The following SNED1 variants were observed in gnomAD, a reference collection of about 807,000 sequenced individuals.
The protein encoded by SNED1 is sushi, nidogen and EGF-like domain-containing protein 1.
SNED1 carries 81 observed loss-of-function variants against 166.7 expected under a neutral mutation model. That is an observed-to-expected ratio of 0.49 (90% CI 0.41 to 0.58). The LOEUF is 0.58. Among genes scored for constraint, SNED1 ranks in the 20% least tolerant of loss-of-function variants. The pLI, the probability that SNED1 is intolerant of heterozygous loss-of-function variation, is 0.00. For synonymous variants in SNED1, 762 were observed against 822.0 expected (o/e 0.93, Z 1.25); for missense variants, 1,604 against 2,000.2 (o/e 0.80, Z 3.78).
chr2:241,054,391 G>T (rs2061981269), intron 16 of SNED1, among the ~76,000 whole-genome samples: 1 of 152,140 alleles, frequency 6.6e-6, no homozygotes, highest in South Asian at 2.1e-4. Flanking sequence ...AACATAGGGA[G>T]ACCTCATCTC....
chr2:241,078,634 A>T (rs988217740), intron 27 of SNED1, among the ~76,000 whole-genome samples: 2 of 151,770 alleles, frequency 1.3e-5, no homozygotes, highest in Non-Finnish European at 2.9e-5. Flanking sequence ...TCAGGACTGG[A>T]GGGTGGAGGG....
chr2:241,069,133 C>T lies in SNED1; in HGVS notation c.3307+110C>T. On this transcript the variant is annotated intron_variant, in intron 23 of 31. Transcript: ENST00000310397. This position sits in a 1 kb window ranked among gnomAD's most constrained non-coding sequence, Gnocchi z 4.9. ...CAAAGCGTCCACAACACCAGAAACC[C>T]AGCCCCTGGCCTCCCAGATGTCTCT... is the stretch of plus-strand genomic sequence containing the variant. 1 of 695,828 alleles carries T rather than the reference C, an allele frequency of 1.4e-6. No homozygotes were observed. Among genetic ancestry groups the T allele is most frequent in the Non-Finnish European group, 2.3e-6 (1 of 425,928 alleles). 43.1% of individuals were successfully genotyped at this position (695,828 alleles called of 1,614,324 possible). A position where few individuals can be genotyped will look rare whatever the true frequency, so the allele number is the denominator to read the frequency against.
chr2:241,083,612 T>C (rs1276233838), intron 29 of SNED1, among the ~76,000 whole-genome samples: 1 of 152,206 alleles, frequency 6.6e-6, no homozygotes, highest in East Asian at 1.9e-4. Context: ...TCGGATTCTA[T>C]GCAGTGAGAG....
At chr2:241,023,582 T>C (rs571491165) in intron 1 of SNED1, among the ~76,000 whole-genome samples, 1 of 152,358 alleles carries the variant, frequency 6.6e-6, no homozygotes, top group South Asian at 2.1e-4. Context: ...TGTCTGTGCC[T>C]GGTCTTTTAC....
chr2:241,036,865 C>T lies in SNED1; in HGVS notation c.881C>T (p.Ser294Phe). The change falls in exon 5 of 32, where the codon TCC becomes TTC. Residue 294 changes from serine (S) to phenylalanine (F), a missense_variant. By Grantham distance (155) the Ser-to-Phe change is radical. Around this residue, in one of 2 missense-constraint regions of SNED1, gnomAD observed 1,237 missense variants for 1,620.8 expected, o/e 0.76. Coordinates refer to ENST00000310397, the MANE Select transcript of SNED1 (RefSeq NM_001080437.3). Reference sequence around the variant, plus strand: ...GACGACTGCGTCACGGGCAACCCCTCCTACACCTGCTCCTGCCTCTCGGGC... The same window carrying T: ...GACGACTGCGTCACGGGCAACCCCTTCTACACCTGCTCCTGCCTCTCGGGC... ...CIDDCVTGNP[S>F]YTCSCLSGFT... The T allele has an allele frequency of 6.2e-7, 1 of 1,611,816 alleles. No homozygotes were observed.
At chr2:241,032,912 G>A (rs73110152) in intron 2 of SNED1, among the ~76,000 whole-genome samples, 1,797 of 152,224 alleles carry the variant, frequency 0.012, 49 homozygotes, top group African/African-American at 0.039. Context: ...TTTATCTGCT[G>A]TATGCGTTAT....
chr2:241,064,950 C>T lies in SNED1; in HGVS notation c.2706C>T (p.Cys902=), dbSNP rs764256373. 16 of 1,581,446 alleles carry T rather than the reference C, an allele frequency of 1.0e-5. No individual in the cohort carries two copies. Among genetic ancestry groups the T allele is most frequent in the Admixed American group, 5.7e-5 (3 of 52,758 alleles). ...TCKVGYTGED[C]AKELFPPTAL... ...AAGTGGGCTACACGGGCGAGGACTG[C>T]GCCAAAGGTGGGTGGCGAGGGCGCC... Residue 902 remains cysteine, a synonymous_variant, in exon 20 of 32, where the codon TGC becomes TGT. Coordinates refer to ENST00000310397, the MANE Select transcript of SNED1 (RefSeq NM_001080437.3). This position sits in a 1 kb window ranked among gnomAD's most constrained non-coding sequence, Gnocchi z 7.0.
chr2:241,037,379 G>C lies in SNED1; in HGVS notation c.1045+26G>C, dbSNP rs377485916. 4.0e-6 allele frequency: 6 copies of C among 1,489,674 alleles called. No individual in the cohort carries two copies. In the African/African-American group the frequency reaches 5.5e-5, roughly 14 times the overall value. 92.3% of individuals were successfully genotyped at this position (1,489,674 alleles called of 1,614,324 possible). A position where few individuals can be genotyped will look rare whatever the true frequency, so the allele number is the denominator to read the frequency against. The stretch of plus-strand genomic sequence containing the variant: ...GTAAGAGGAACCCACCGGGGCCCAC[G>C]GGGCCCTGCTGGGGGCAGGATAGCG... On this transcript the variant is annotated intron_variant, in intron 6 of 31. Coordinates refer to ENST00000310397, the MANE Select transcript of SNED1 (RefSeq NM_001080437.3).
Position 240,998,999 on chromosome 2 carries a change from G to A in SNED1, c.162G>A (p.Arg54=). ...PKQDDGGSGL[R]PLSVPFPFFG... The stretch of plus-strand genomic sequence containing the variant: ...AGGACGACGGCGGCTCGGGGCTGCG[G>A]CCGCTCTCGGTGCCCTTCCCGTTCT... Residue 54 remains arginine (R), a synonymous_variant, in exon 1 of 32, where the codon CGG becomes CGA. Coordinates refer to ENST00000310397, the MANE Select transcript of SNED1 (RefSeq NM_001080437.3). 7.5e-7 allele frequency: 1 copy of A among 1,327,252 alleles called. No homozygotes were observed. The highest frequency in any genetic ancestry group is 9.7e-7 in the Non-Finnish European group (1 of 1,035,250). The allele number at this position is 1,327,252 out of a possible 1,614,324, so 82.2% of individuals were successfully genotyped here.
rs1056322187 is a variant in SNED1, at chr2:241,051,551, C to G, written c.1736-193C>G. The G allele has an allele frequency of 2.2e-6, 1 of 454,928 alleles. No individual in the cohort carries two copies. The highest frequency in any genetic ancestry group is 2.0e-5 in the African/African-American group (1 of 49,962). The allele number at this position is 454,928 out of a possible 1,614,324, so 28.2% of individuals were successfully genotyped here. On this transcript the variant is annotated intron_variant, in intron 12 of 31. Coordinates refer to ENST00000310397, the MANE Select transcript of SNED1 (RefSeq NM_001080437.3). This position sits in a 1 kb window ranked among gnomAD's most constrained non-coding sequence, Gnocchi z 4.7. ...CCCACCTGTGACTGAGTTGGGGTCT[C>G]CAGCCTGTGAGCCCCACCCCAGCCC...
intron 27 of SNED1, chr2:241,074,508 A>G (rs1056433376): frequency 6.6e-6 from 1 of 152,152 alleles, no homozygotes; most frequent in Non-Finnish European, 1.5e-5. Flanking sequence ...CCAGGTGTTC[A>G]TTTCCTAGAA....
intron 1 of SNED1, among the ~76,000 whole-genome samples, chr2:241,000,050 G>A (rs2060031792): frequency 6.6e-6 from 1 of 151,992 alleles, no homozygotes; most frequent in Non-Finnish European, 1.5e-5. Context: ...GCTGCCCGGA[G>A]TAACACCACC....
chr2:241,026,302 C>A (rs1191796831), intron 1 of SNED1, among the ~76,000 whole-genome samples: 1 of 152,198 alleles, frequency 6.6e-6, no homozygotes, highest in Non-Finnish European at 1.5e-5. Context: ...AGGCGTGAGC[C>A]ACTGCGCCCA....
intron 24 of SNED1, among the ~76,000 whole-genome samples, 159 bp downstream of exon 24, chr2:241,070,360 G>C (rs1277625602): frequency 1.3e-5 from 2 of 152,214 alleles, no homozygotes; most frequent in Non-Finnish European, 2.9e-5. Context: ...GAAAGTGGAG[G>C]CTTTTCAAAC....
chr2:241,063,952 C>A, intron 18 of SNED1, 60 bp from the exon 19 acceptor site: 1 of 1,265,520 alleles, frequency 7.9e-7, no homozygotes, highest in Non-Finnish European at 1.1e-6. Context: ...CCGCTGTCCT[C>A]TCCTCCCTCC....
At position 241,013,705 on chromosome 2, in the gene SNED1, T is replaced by TAA; in HGVS notation, c.213+14656_213+14657dup. ...TGCGCCTGGCTTATTTCACTGAGCA[T>TAA]AATGTCCTTCAGTTTCATCCATGTT... is the stretch of plus-strand genomic sequence containing the variant. On this transcript the variant is annotated intron_variant, in intron 1 of 31. Coordinates refer to ENST00000310397, the MANE Select transcript of SNED1 (RefSeq NM_001080437.3). This position sits in a 1 kb window ranked among gnomAD's most constrained non-coding sequence, Gnocchi z 4.6. 6.6e-6 allele frequency among the ~76,000 whole-genome samples: 1 copy of TAA among 152,294 alleles called. No individual in the cohort carries two copies.
Position 241,094,831 on chromosome 2 carries a change from G to T in SNED1, c.*3195G>T, listed in dbSNP as rs1442526384. On this transcript the variant is annotated 3_prime_UTR_variant, in exon 32 of 32. Coordinates refer to ENST00000310397, the MANE Select transcript of SNED1 (RefSeq NM_001080437.3). This position sits in a 1 kb window ranked among gnomAD's most constrained non-coding sequence, Gnocchi z 4.3. ...TGCTACCAAGGAGACTTGAATTTTGGTCCCATCATCAAAAATGCCTTCTGC... is the reference window on the plus strand; with the variant it reads ...TGCTACCAAGGAGACTTGAATTTTGTTCCCATCATCAAAAATGCCTTCTGC... 6.2e-6 allele frequency: 1 copy of T among 161,512 alleles called. No homozygotes were observed. Among genetic ancestry groups the T allele is most frequent in the Non-Finnish European group, 1.4e-5 (1 of 73,812 alleles). 10.0% of individuals were successfully genotyped at this position (161,512 alleles called of 1,614,324 possible).
rs1255140246 is a variant in SNED1, at chr2:241,064,283, G to A, written c.2599+158G>A. Among the ~76,000 whole-genome samples the A allele has an allele frequency of 1.3e-5, 2 of 151,446 alleles. No individual in the cohort carries two copies. Among genetic ancestry groups the A allele is most frequent in the Non-Finnish European group, 2.9e-5 (2 of 67,882 alleles). ...TTGGAAGTCCCCTTCTCAGGCCAGT[G>A]GCCCTCCGCCTGTCTCCCTTGGTCC... On this transcript the variant is annotated intron_variant, in intron 19 of 31. Coordinates refer to ENST00000310397, the MANE Select transcript of SNED1 (RefSeq NM_001080437.3). This position sits in a 1 kb window ranked among gnomAD's most constrained non-coding sequence, Gnocchi z 7.0.
chr2:241,049,681 C>T (rs984989214), intron 11 of SNED1, 136 bp from the exon 12 acceptor site: 1 of 647,272 alleles, frequency 1.5e-6, no homozygotes, highest in Non-Finnish European at 2.8e-6. Context: ...AAGATGCCCA[C>T]AGAGTGTATT....
Sources: gnomAD v4.1 joint callset for allele counts (sites outside exome capture counted in the v4.1 genomes callset) on GRCh38, gnomAD v4.1.1 for gene constraint, gnomAD v4.1.1 regional missense constraint, Gnocchi (gnomAD v3.1) non-coding constraint, MANE v1.5 for transcripts, NCBI Gene and HGNC (gene_info 2026-07-23, HGNC 2026-07-21) for gene names.